The following PACSIN2 variants were observed in gnomAD, a reference collection of about 807,000 sequenced individuals.
PACSIN2 encodes the protein protein kinase C and casein kinase substrate in neurons protein 2.
Under a neutral mutation model 63.8 loss-of-function variants are expected in PACSIN2, and 25 were observed. That is an observed-to-expected ratio of 0.39 (90% CI 0.29 to 0.55). PACSIN2 has a LOEUF of 0.55. Among genes scored for constraint, PACSIN2 ranks in the 20% least tolerant of loss-of-function variants. The probability of loss-of-function intolerance (pLI) is 0.62; values close to 1 mark genes in which losing one functional copy is unlikely to be tolerated. For synonymous variants in PACSIN2, 255 were observed against 256.2 expected, an observed-to-expected ratio of 1.00 and a Z score of 0.05; for missense variants, 518 against 646.9, an observed-to-expected ratio of 0.80 and a Z score of 2.16.
chr22:42,957,865 C>A (rs1015131375), intron 1 of PACSIN2, among the ~76,000 whole-genome samples: 5 of 152,092 alleles, frequency 3.3e-5, no homozygotes, highest in Non-Finnish European at 7.4e-5. Context: ...GCAATCCCAT[C>A]GTGAGGCCCG....
At chr22:42,945,860 T>G (rs1933394207) in intron 1 of PACSIN2, 2 of 152,460 alleles carry the variant, frequency 1.3e-5, no homozygotes, top group South Asian at 2.1e-4. Flanking sequence ...GTGGTTGGAA[T>G]GTCTTCTGGA....
intron 1 of PACSIN2, among the ~76,000 whole-genome samples, chr22:42,992,136 A>C (rs904835321): frequency 6.6e-6 from 1 of 152,274 alleles, no homozygotes; most frequent in African/African-American, 2.4e-5. Context: ...TATCCAAAAT[A>C]TATTTTAAAA....
intron 1 of PACSIN2, among the ~76,000 whole-genome samples, chr22:43,000,457 TGGA>T (rs1277421422): frequency 6.6e-6 from 1 of 152,200 alleles, no homozygotes; most frequent in Non-Finnish European, 1.5e-5. Flanking sequence ...TTTGGAGGAT[TGGA>T]GGAGGTTTCT....
chr22:42,893,650 GGGCAGCCTGTCCTTGGCTGT>G, intron 2 of PACSIN2, 37 bp from the exon 3 acceptor site: 1 of 1,600,120 alleles, frequency 6.2e-7, no homozygotes, highest in Non-Finnish European at 8.5e-7. Flanking sequence ...AGGGGGCTTG[GGGCAGCCTGTCCTTGGCTGT>G]GGCACAAATG....
At chr22:42,913,661 T>A (rs1364513285) in intron 1 of PACSIN2, among the ~76,000 whole-genome samples, 1 of 152,190 alleles carries the variant, frequency 6.6e-6, no homozygotes, top group Non-Finnish European at 1.5e-5. Context: ...AATGAATTAT[T>A]GTTGCCACTA....
At chr22:42,964,246 T>C (rs1443543598) in intron 1 of PACSIN2, among the ~76,000 whole-genome samples, 1 of 152,026 alleles carries the variant, frequency 6.6e-6, no homozygotes, top group Non-Finnish European at 1.5e-5. Context: ...AGTGAAACCC[T>C]GTCTCCACTA....
intron 1 of PACSIN2, among the ~76,000 whole-genome samples, chr22:42,981,857 G>A (rs1395592998): frequency 8.0e-4 from 90 of 113,072 alleles, no homozygotes; most frequent in Non-Finnish European, 1.1e-3. Flanking sequence ...CAGCCGCCCC[G>A]TCCGGGAGGG....
At chr22:42,890,880 G>A (rs904153743) in intron 4 of PACSIN2, 67 bp downstream of exon 4, 1 of 1,283,630 alleles carries the variant, frequency 7.8e-7, no homozygotes, top group African/African-American at 1.5e-5. Context: ...AGGTGCAGGA[G>A]GTGGTGCTGC....
intron 1 of PACSIN2, among the ~76,000 whole-genome samples, chr22:43,005,071 A>C (rs955431865): frequency 2.6e-5 from 4 of 152,260 alleles, no homozygotes; most frequent in Non-Finnish European, 4.4e-5. Context: ...TAAAAGTAAA[A>C]GGGCAATGGT....
In PACSIN2 at chr22:42,884,642, C is replaced by T; in HGVS notation, c.610-81G>A. 10 of 1,122,052 alleles carry T rather than the reference C, an allele frequency of 8.9e-6. No homozygotes were observed. The South Asian group carries it at 1.1e-4, about 12-fold the overall frequency. The allele number at this position is 1,122,052 out of a possible 1,614,324, so 69.5% of individuals were successfully genotyped here. On this transcript the variant is annotated intron_variant, in intron 5 of 10. Transcript: ENST00000263246. ...ACCCTGCCCCTGGAGTGTCTCAGGC[C>T]TTCCCAGATTCCAAATGCAAAGAAA...
chr22:42,895,253 T>C (rs946737287), intron 2 of PACSIN2, among the ~76,000 whole-genome samples: 20 of 152,228 alleles, frequency 1.3e-4, no homozygotes, highest in African/African-American at 4.6e-4. Flanking sequence ...CATTATGTGG[T>C]TGCTTCCCTT....
chr22:42,980,285 A>G (rs1047001410), intron 1 of PACSIN2, among the ~76,000 whole-genome samples: 1 of 152,210 alleles, frequency 6.6e-6, no homozygotes, highest in African/African-American at 2.4e-5. Context: ...AGGCCAAGGC[A>G]TGAGGACTGC....
At chr22:42,982,869 T>TAAA (rs1252040629) in intron 1 of PACSIN2, among the ~76,000 whole-genome samples, 460 of 43,518 alleles carry the variant, frequency 0.011, 17 homozygotes, top group East Asian at 0.02. Flanking sequence ...GAATGATCAA[T>TAAA]AAAAAAAAAA....
At chr22:42,964,506 C>T (rs1036340810) in intron 1 of PACSIN2, among the ~76,000 whole-genome samples, 4 of 151,868 alleles carry the variant, frequency 2.6e-5, no homozygotes, top group African/African-American at 7.3e-5. Flanking sequence ...TGCAGTTCTG[C>T]GCTCGCCTCA....
At chr22:43,005,835 A>G (rs1192297564) in intron 1 of PACSIN2, among the ~76,000 whole-genome samples, 2 of 152,138 alleles carry the variant, frequency 1.3e-5, no homozygotes, top group African/African-American at 4.8e-5. Context: ...GACTGCATGT[A>G]TGGATCCCCT....
chr22:43,012,159 ATACATAC>A (rs750288027), intron 1 of PACSIN2, among the ~76,000 whole-genome samples: 7,357 of 78,758 alleles, frequency 0.093, 315 homozygotes, highest in African/African-American at 0.25. Flanking sequence ...AAATAAATAC[ATACATAC>A]ATACATACAT....
intron 1 of PACSIN2, among the ~76,000 whole-genome samples, chr22:42,994,593 A>C (rs1250843921): frequency 6.6e-6 from 1 of 152,190 alleles, no homozygotes; most frequent in African/African-American, 2.4e-5. Context: ...CAGGCCATGT[A>C]AGGGGTCTGG....
chr22:42,978,496 A>G (rs1291833015), intron 1 of PACSIN2, among the ~76,000 whole-genome samples: 1 of 152,208 alleles, frequency 6.6e-6, no homozygotes, highest in East Asian at 1.9e-4. Flanking sequence ...GTCCACCCTC[A>G]TCCTGCTGAA....
intron 1 of PACSIN2, among the ~76,000 whole-genome samples, chr22:42,991,812 C>CA (rs58208243): frequency 0.018 from 2,211 of 119,768 alleles, 29 homozygotes; most frequent in Middle Eastern, 0.035. Context: ...TATCCACAGA[C>CA]AAAAAAAAAA....
Sources: allele counts gnomAD v4.1 joint callset (sites outside exome capture counted in the v4.1 genomes callset), GRCh38; gene constraint gnomAD v4.1.1; transcripts MANE v1.5; gene names NCBI Gene and HGNC (gene_info 2026-07-23, HGNC 2026-07-21).